The following C16orf54 variants were observed in gnomAD, a reference collection of about 807,000 sequenced individuals.
C16orf54 encodes the protein transmembrane protein C16orf54.
A neutral mutation model predicts 3.9 loss-of-function variants in C16orf54; 2 were observed. The ratio of observed to expected loss-of-function variants is 0.52; its 90% confidence interval spans 0.21 to 1.63. C16orf54 has a LOEUF of 1.63. C16orf54 is among the 40% of genes most tolerant of loss of function. The pLI, the probability that C16orf54 is intolerant of heterozygous loss-of-function variation, is 0.21. For missense variants in C16orf54, 272 were observed against 326.3 expected (o/e 0.83, Z 1.28); for synonymous variants, 128 against 135.1 (o/e 0.95, Z 0.37).
At position 29,743,768 on chromosome 16, in the gene C16orf54, CTT is replaced by C. The variant is rs1287594400; in HGVS notation, c.*507_*508del. 4.4e-5 allele frequency: 7 copies of C among 160,476 alleles called. No homozygotes were observed. In the Admixed American group the frequency reaches 4.6e-4, roughly 10 times the overall value. 9.9% of individuals were successfully genotyped at this position (160,476 alleles called of 1,614,324 possible). On this transcript the variant is annotated 3_prime_UTR_variant, in exon 2 of 2. Coordinates refer to ENST00000329410, the MANE Select transcript of C16orf54 (RefSeq NM_175900.4). ...GTTCCTCTGCCTGGTCTGGTCCTCT[CTT>C]TGTGTATTTTCCTAGAGGACCTCAC...
chr16:29,745,139 C>T (rs1455210263), intron 1 of C16orf54, 188 bp from the exon 2 acceptor site: 2 of 496,832 alleles, frequency 4.0e-6, no homozygotes, highest in Admixed American at 4.2e-5. Context: ...TCAAGACCAG[C>T]CTGGACACAC....
Position 29,744,561 on chromosome 16 carries a change from T to C in C16orf54, c.391A>G (p.Asn131Asp), listed in dbSNP as rs1245443050. ...GGGCCCAAGTTGCTGGGAGCAGAAT[T>C]TGGGGCTGAGGGGGCAGGTGGGGCT... ...ATAPPAPSAP[N>D]SAPSNLGPQT... The change falls in exon 2 of 2, where the codon AAT becomes GAT. Residue 131 changes from asparagine (N) to aspartate (D), a missense_variant. Coordinates refer to ENST00000329410, the MANE Select transcript of C16orf54 (RefSeq NM_175900.4). The surrounding 1 kb of genome is among the most constrained non-coding windows in gnomAD (Gnocchi z 7.1). The C allele has an allele frequency of 6.7e-6, 10 of 1,487,298 alleles. No homozygotes were observed. The highest frequency in any genetic ancestry group is 2.7e-5 in the Admixed American group (1 of 37,224). 92.1% of individuals were successfully genotyped at this position (1,487,298 alleles called of 1,614,324 possible).
intron 1 of C16orf54, chr16:29,745,315 G>T (rs1304316631): frequency 2.5e-5 from 6 of 235,402 alleles, no homozygotes; most frequent in Non-Finnish European, 4.1e-5. Flanking sequence ...CTGGGCAATA[G>T]AGCAAGACCC....
rs1396427022 is a variant in C16orf54, at chr16:29,744,582, G to A, written c.370C>T (p.Pro124Ser). ...VGTLEARATA[P>S]PAPSAPNSAP... ...GAATTTGGGGCTGAGGGGGCAGGTG[G>A]GGCTGTTGCTCGGGCCTCCAAAGTG... Residue 124 changes from proline (P) to serine (S), a missense_variant, in exon 2 of 2, where the codon CCA becomes TCA. Pro to Ser is a moderately conservative substitution (Grantham distance 74, BLOSUM62 -1). Transcript: ENST00000329410. This position sits in a 1 kb window ranked among gnomAD's most constrained non-coding sequence, Gnocchi z 7.1. The A allele has an allele frequency of 1.2e-5, 18 of 1,472,900 alleles. No individual in the cohort carries two copies. Among genetic ancestry groups the A allele is most frequent in the South Asian group, 4.2e-5 (3 of 71,418 alleles). 91.2% of individuals were successfully genotyped at this position (1,472,900 alleles called of 1,614,324 possible).
Position 29,744,606 on chromosome 16 carries a change from T to C in C16orf54, c.346A>G (p.Thr116Ala). 1.4e-6 allele frequency: 2 copies of C among 1,464,134 alleles called. No homozygotes were observed. Among genetic ancestry groups the C allele is most frequent in the Non-Finnish European group, 1.8e-6 (2 of 1,108,372 alleles). The allele number at this position is 1,464,134 out of a possible 1,614,324, so 90.7% of individuals were successfully genotyped here. A position where few individuals can be genotyped will look rare whatever the true frequency, so the allele number is the denominator to read the frequency against. Residue 116 changes from threonine to alanine, a missense_variant, in exon 2 of 2, where the codon ACT becomes GCT. Coordinates refer to ENST00000329410, the MANE Select transcript of C16orf54 (RefSeq NM_175900.4). The surrounding 1 kb of genome is among the most constrained non-coding windows in gnomAD (Gnocchi z 7.1). ...GGGGCTGTTGCTCGGGCCTCCAAAG[T>C]GCCCACCTGGGTGGGAGGCTCAGGG... The part of the protein sequence containing the change: ...RAPEPPTQVG[T>A]LEARATAPPA...
At position 29,744,047 on chromosome 16, in the gene C16orf54, C is replaced by A; in HGVS notation, c.*230G>T. Reference sequence around the variant, plus strand: ...GGCTTCTGGCCTGGCATTGGCTCCACCCCCAGGTCTCTGAGCCACAGCCCA... The same window carrying A: ...GGCTTCTGGCCTGGCATTGGCTCCAACCCCAGGTCTCTGAGCCACAGCCCA... On this transcript the variant is annotated 3_prime_UTR_variant, in exon 2 of 2. Transcript: ENST00000329410. The surrounding 1 kb of genome is among the most constrained non-coding windows in gnomAD (Gnocchi z 7.1). The A allele has an allele frequency of 3.4e-6, 2 of 589,962 alleles. No homozygotes were observed. Among genetic ancestry groups the A allele is most frequent in the South Asian group, 4.4e-5 (2 of 45,236 alleles). 36.5% of individuals were successfully genotyped at this position (589,962 alleles called of 1,614,324 possible). A position where few individuals can be genotyped will look rare whatever the true frequency, so the allele number is the denominator to read the frequency against.
Position 29,743,930 on chromosome 16 carries a change from C to A in C16orf54, c.*347G>T, listed in dbSNP as rs1968101198. On this transcript the variant is annotated 3_prime_UTR_variant, in exon 2 of 2. Coordinates refer to ENST00000329410, the MANE Select transcript of C16orf54 (RefSeq NM_175900.4). ...CCGTTCTCTTTGGTATTGGTGGCTT[C>A]GGTAAACACTGAAAGAAGGTGGAGG... 1 of 338,910 alleles carries A rather than the reference C, an allele frequency of 3.0e-6. No homozygotes were observed. Among genetic ancestry groups the A allele is most frequent in the East Asian group, 7.9e-5 (1 of 12,654 alleles). The allele number at this position is 338,910 out of a possible 1,614,324, so 21.0% of individuals were successfully genotyped here. A position where few individuals can be genotyped will look rare whatever the true frequency, so the allele number is the denominator to read the frequency against.
In C16orf54 at chr16:29,744,659, G is replaced by C. The variant is rs1298665452; in HGVS notation, c.293C>G (p.Ser98Cys). ...CCGATCTGTCAGCAGGGGGACCGCA[G>C]AGCCATACCAGTCCTCAGAGCGCTC... is the stretch of plus-strand genomic sequence containing the variant. The part of the protein sequence containing the change: ...ARERSEDWYG[S>C]AVPLLTDRAP... The change falls in exon 2 of 2, where the codon TCT becomes TGT. Residue 98 changes from serine (S) to cysteine (C), a missense_variant. Transcript: ENST00000329410. The surrounding 1 kb of genome is among the most constrained non-coding windows in gnomAD (Gnocchi z 7.1). 2 of 1,473,402 alleles carry C rather than the reference G, an allele frequency of 1.4e-6. No homozygotes were observed. Among genetic ancestry groups the C allele is most frequent in the Non-Finnish European group, 9.0e-7 (1 of 1,113,016 alleles). The allele number at this position is 1,473,402 out of a possible 1,614,324, so 91.3% of individuals were successfully genotyped here. A position where few individuals can be genotyped will look rare whatever the true frequency, so the allele number is the denominator to read the frequency against.
rs771166622 is a variant in C16orf54, at chr16:29,744,296, C to T, written c.656G>A (p.Arg219Gln). Residue 219 changes from arginine to glutamine, a missense_variant, in exon 2 of 2, where the codon CGG (arginine) becomes CAG (glutamine). Arg to Gln is a conservative substitution (Grantham distance 43). Coordinates refer to ENST00000329410, the MANE Select transcript of C16orf54 (RefSeq NM_175900.4). The surrounding 1 kb of genome is among the most constrained non-coding windows in gnomAD (Gnocchi z 7.1). ...QISAFWKREG[R>Q]TSVGF The stretch of plus-strand genomic sequence containing the variant: ...GGGGATTCAGAACCCCACACTGGTC[C>T]GGCCTTCACGCTTCCAGAAAGCTGA... 9.9e-6 allele frequency: 16 copies of T among 1,612,770 alleles called. No homozygotes were observed. Among genetic ancestry groups the T allele is most frequent in the Middle Eastern group, 3.3e-4 (2 of 6,084 alleles).
In C16orf54 at chr16:29,744,114, A is replaced by C. The variant is rs1456514616; in HGVS notation, c.*163T>G. ...CACTGCTGGGCTTCCCCTAGTCCAC[A>C]TAGCCTGGCCACCACCCAGACCCGG... is the stretch of plus-strand genomic sequence containing the variant. On this transcript the variant is annotated 3_prime_UTR_variant, in exon 2 of 2. Coordinates refer to ENST00000329410, the MANE Select transcript of C16orf54 (RefSeq NM_175900.4). This position sits in a 1 kb window ranked among gnomAD's most constrained non-coding sequence, Gnocchi z 7.1. 3 of 698,244 alleles carry C rather than the reference A, an allele frequency of 4.3e-6. No homozygotes were observed. The highest frequency in any genetic ancestry group is 7.4e-6 in the Non-Finnish European group (3 of 404,644). 43.3% of individuals were successfully genotyped at this position (698,244 alleles called of 1,614,324 possible).
chr16:29,744,918 C>T lies in C16orf54; in HGVS notation c.34G>A (p.Val12Met), dbSNP rs374180124. The change falls in exon 2 of 2, where the codon GTG becomes ATG. Residue 12 changes from valine to methionine, a missense_variant. Val to Met is a conservative substitution (Grantham distance 21). Coordinates refer to ENST00000329410, the MANE Select transcript of C16orf54 (RefSeq NM_175900.4). This position sits in a 1 kb window ranked among gnomAD's most constrained non-coding sequence, Gnocchi z 7.1. Reference protein sequence around the residue: ...PLTPEPPSGRVEGPPAWEAAP... With the variant: ...PLTPEPPSGRMEGPPAWEAAP... Reference sequence around the variant, plus strand: ...GCTTCCCATGCGGGGGGCCCCTCCACGCGCCCAGAGGGCGGCTCTGGAGTC... The same window carrying T: ...GCTTCCCATGCGGGGGGCCCCTCCATGCGCCCAGAGGGCGGCTCTGGAGTC... 63 of 1,465,182 alleles carry T rather than the reference C, an allele frequency of 4.3e-5. No individual in the cohort carries two copies. The highest frequency in any genetic ancestry group is 1.2e-4 in the South Asian group (8 of 67,914). The allele number at this position is 1,465,182 out of a possible 1,614,324, so 90.8% of individuals were successfully genotyped here.
chr16:29,744,398 G>T lies in C16orf54; in HGVS notation c.554C>A (p.Pro185His), dbSNP rs1397384426. Reference sequence around the variant, plus strand: ...CCCTGGCCGCTGCCTCCTGGCCTGGGGGCTCCCAAACTGGACGCTGGCCTC... The same window carrying T: ...CCCTGGCCGCTGCCTCCTGGCCTGGTGGCTCCCAAACTGGACGCTGGCCTC... ...RPEASVQFGS[P>H]QARRQRPGSP... Residue 185 changes from proline (P) to histidine (H), a missense_variant, in exon 2 of 2, where the codon CCC (proline) becomes CAC (histidine). Transcript: ENST00000329410. The surrounding 1 kb of genome is among the most constrained non-coding windows in gnomAD (Gnocchi z 7.1). 1.2e-6 allele frequency: 2 copies of T among 1,603,132 alleles called. No homozygotes were observed. Among genetic ancestry groups the T allele is most frequent in the East Asian group, 2.2e-5 (1 of 44,504 alleles).
In C16orf54 at chr16:29,744,752, T is replaced by G. The variant is rs769664424; in HGVS notation, c.200A>C (p.His67Pro). 28 of 1,461,368 alleles carry G rather than the reference T, an allele frequency of 1.9e-5. 2 individuals carry two copies. In the Middle Eastern group the frequency reaches 5.5e-4, roughly 28 times the overall value. 90.5% of individuals were successfully genotyped at this position (1,461,368 alleles called of 1,614,324 possible). The change falls in exon 2 of 2, where the codon CAC becomes CCC. Residue 67 changes from histidine (H) to proline (P), a missense_variant. Transcript: ENST00000329410. The surrounding 1 kb of genome is among the most constrained non-coding windows in gnomAD (Gnocchi z 7.1). ...FRRALRPDPSHRAPTLVWRPG... is the reference protein window; with the variant it reads ...FRRALRPDPSPRAPTLVWRPG... ...GCGCCACACCAGGGTGGGTGCACGG[T>G]GGCTGGGGTCTGGGCGGAGAGCACG...
Position 29,744,613 on chromosome 16 carries a change from C to T in C16orf54, c.339G>A (p.Gln113=). ...TTGCTCGGGCCTCCAAAGTGCCCAC[C>T]TGGGTGGGAGGCTCAGGGGCCCGAT... The part of the protein sequence containing the change: ...LTDRAPEPPT[Q]VGTLEARATA... Residue 113 remains glutamine, a synonymous_variant, in exon 2 of 2, where the codon CAG becomes CAA. Coordinates refer to ENST00000329410, the MANE Select transcript of C16orf54 (RefSeq NM_175900.4). The surrounding 1 kb of genome is among the most constrained non-coding windows in gnomAD (Gnocchi z 7.1). 6.8e-7 allele frequency: 1 copy of T among 1,464,748 alleles called. No homozygotes were observed. The highest frequency in any genetic ancestry group is 9.0e-7 in the Non-Finnish European group (1 of 1,108,798). The allele number at this position is 1,464,748 out of a possible 1,614,324, so 90.7% of individuals were successfully genotyped here. A position where few individuals can be genotyped will look rare whatever the true frequency, so the allele number is the denominator to read the frequency against.
In C16orf54 at chr16:29,744,832, G is replaced by A; in HGVS notation, c.120C>T (p.Thr40=). 1.4e-6 allele frequency: 2 copies of A among 1,479,538 alleles called. No homozygotes were observed. The highest frequency in any genetic ancestry group is 1.8e-4 in the Middle Eastern group (1 of 5,500). 91.7% of individuals were successfully genotyped at this position (1,479,538 alleles called of 1,614,324 possible). A position where few individuals can be genotyped will look rare whatever the true frequency, so the allele number is the denominator to read the frequency against. Residue 40 remains threonine (T), a synonymous_variant, in exon 2 of 2, where the codon ACC becomes ACT. Transcript: ENST00000329410. This position sits in a 1 kb window ranked among gnomAD's most constrained non-coding sequence, Gnocchi z 7.1. The part of the protein sequence containing the change: ...PCIPIMLVLA[T]LAALFILTTA... The stretch of plus-strand genomic sequence containing the variant: ...TGGTGAGGATGAAGAGCGCAGCCAG[G>A]GTGGCCAGGACCAGCATGATGGGGA...
chr16:29,744,934 C>G lies in C16orf54; in HGVS notation c.18G>C (p.Glu6Asp). The change falls in exon 2 of 2, where the codon GAG becomes GAC. Residue 6 changes from glutamate (E) to aspartate (D), a missense_variant. Transcript: ENST00000329410. This position sits in a 1 kb window ranked among gnomAD's most constrained non-coding sequence, Gnocchi z 7.1. MPLTP[E>D]PPSGRVEGPP... ...GCCCCTCCACGCGCCCAGAGGGCGG[C>G]TCTGGAGTCAACGGCATCTGAGAGA... 1 of 1,459,356 alleles carries G rather than the reference C, an allele frequency of 6.9e-7. No individual in the cohort carries two copies. The highest frequency in any genetic ancestry group is 9.0e-7 in the Non-Finnish European group (1 of 1,108,448). 90.4% of individuals were successfully genotyped at this position (1,459,356 alleles called of 1,614,324 possible). A position where few individuals can be genotyped will look rare whatever the true frequency, so the allele number is the denominator to read the frequency against.
chr16:29,744,976 G>C lies in C16orf54; in HGVS notation c.1-25C>G. On this transcript the variant is annotated intron_variant, in intron 1 of 1. Coordinates refer to ENST00000329410, the MANE Select transcript of C16orf54 (RefSeq NM_175900.4). This position sits in a 1 kb window ranked among gnomAD's most constrained non-coding sequence, Gnocchi z 7.1. Reference sequence around the variant, plus strand: ...TCTGAGAGACACAGGGGTGAGAAGAGGAAGTAAATGAGGCAGAGGGGGCAC... The same window carrying C: ...TCTGAGAGACACAGGGGTGAGAAGACGAAGTAAATGAGGCAGAGGGGGCAC... The C allele has an allele frequency of 7.1e-7, 1 of 1,401,728 alleles. No individual in the cohort carries two copies. The highest frequency in any genetic ancestry group is 9.3e-7 in the Non-Finnish European group (1 of 1,079,284). 86.8% of individuals were successfully genotyped at this position (1,401,728 alleles called of 1,614,324 possible).
In C16orf54 at chr16:29,744,963, A is replaced by G. The variant is rs918444302; in HGVS notation, c.1-12T>C. 3.5e-6 allele frequency: 5 copies of G among 1,419,914 alleles called. No individual in the cohort carries two copies. The African/African-American group carries it at 4.4e-5, about 13-fold the overall frequency. The allele number at this position is 1,419,914 out of a possible 1,614,324, so 88.0% of individuals were successfully genotyped here. Reference sequence around the variant, plus strand: ...GGAGTCAACGGCATCTGAGAGACACAGGGGTGAGAAGAGGAAGTAAATGAG... The same window carrying G: ...GGAGTCAACGGCATCTGAGAGACACGGGGGTGAGAAGAGGAAGTAAATGAG... On this transcript the variant is annotated splice_polypyrimidine_tract_variant and intron_variant, in intron 1 of 1. Coordinates refer to ENST00000329410, the MANE Select transcript of C16orf54 (RefSeq NM_175900.4). The surrounding 1 kb of genome is among the most constrained non-coding windows in gnomAD (Gnocchi z 7.1).
chr16:29,744,498 A>G lies in C16orf54; in HGVS notation c.454T>C (p.Trp152Arg). The G allele has an allele frequency of 6.5e-7, 1 of 1,539,862 alleles. No individual in the cohort carries two copies. Among genetic ancestry groups the G allele is most frequent in the Non-Finnish European group, 8.7e-7 (1 of 1,143,244 alleles). ...VLEVPARSTF[W>R]GPQPWEGRPP... Reference sequence around the variant, plus strand: ...CTCCCCTCCCAGGGCTGGGGCCCCCAGAAGGTGCTCCGGGCTGGGACCTCC... The same window carrying G: ...CTCCCCTCCCAGGGCTGGGGCCCCCGGAAGGTGCTCCGGGCTGGGACCTCC... The change falls in exon 2 of 2, where the codon TGG becomes CGG. Residue 152 changes from tryptophan (W) to arginine (R), a missense_variant. By Grantham distance (101) the Trp-to-Arg change is moderately radical (BLOSUM62 -3). Transcript: ENST00000329410. The surrounding 1 kb of genome is among the most constrained non-coding windows in gnomAD (Gnocchi z 7.1).
Sources: allele counts gnomAD v4.1 joint callset, GRCh38; gene constraint gnomAD v4.1.1; non-coding constraint Gnocchi (gnomAD v3.1); transcripts MANE v1.5; gene names NCBI Gene and HGNC (gene_info 2026-07-23, HGNC 2026-07-21).